HECW2: variants seen among roughly 807,000 people sequenced by gnomAD.
The protein encoded by HECW2 is HECT, C2 and WW domain containing E3 ubiquitin protein ligase 2, also known as E3 ubiquitin-protein ligase HECW2.
In HECW2, 61 loss-of-function variants were observed where a neutral mutation model predicts 175.2. The ratio of observed to expected loss-of-function variants is 0.35; its 90% CI spans 0.28 to 0.43. The LOEUF (loss-of-function observed/expected upper bound fraction) is 0.43. Among genes scored for constraint, HECW2 ranks in the 20% least tolerant of loss-of-function variants. The pLI, the probability that HECW2 is intolerant of heterozygous loss-of-function variation, is 1.00. For synonymous variants in HECW2, 671 were observed against 731.0 expected, an observed-to-expected ratio of 0.92 and a Z score of 1.32; for missense variants, 1,524 against 2,000.5, an observed-to-expected ratio of 0.76 and a Z score of 4.54.
At chr2:196,249,154 C>G (rs1484798919) in intron 19 of HECW2, among the ~76,000 whole-genome samples, 1 of 152,202 alleles carries the variant, frequency 6.6e-6, no homozygotes, top group Non-Finnish European at 1.5e-5. Context: ...GAGAGCACAT[C>G]TCCAATAATA....
At chr2:196,590,079 A>G (rs1691130250) in intron 1 of HECW2, among the ~76,000 whole-genome samples, 1 of 152,224 alleles carries the variant, frequency 6.6e-6, no homozygotes, top group East Asian at 1.9e-4. Context: ...AAATAAGGCA[A>G]GACTCAAAAT....
At chr2:196,338,371 G>T (rs1341658288) in intron 3 of HECW2, among the ~76,000 whole-genome samples, 1 of 152,142 alleles carries the variant, frequency 6.6e-6, no homozygotes, top group Non-Finnish European at 1.5e-5. Flanking sequence ...GGGAAAACTG[G>T]CAATTGGACA....
intron 21 of HECW2, 105 bp downstream of exon 21, chr2:196,240,344 C>T: frequency 3.9e-6 from 3 of 775,080 alleles, no homozygotes; most frequent in Middle Eastern, 2.5e-4. Context: ...AACAGCACTT[C>T]CTGGCAGAAG....
intron 17 of HECW2, among the ~76,000 whole-genome samples, chr2:196,261,310 A>G (rs1689283293): frequency 6.6e-6 from 1 of 152,248 alleles, no homozygotes. Flanking sequence ...ATAATGCATA[A>G]AAGATATCCT....
chr2:196,298,233 C>T (rs1690891907), intron 13 of HECW2, among the ~76,000 whole-genome samples: 3 of 152,074 alleles, frequency 2.0e-5, no homozygotes, highest in Admixed American at 2.0e-4. Flanking sequence ...AAAGACATGG[C>T]ACTAATAACT....
chr2:196,241,081 A>C (rs541843789), intron 20 of HECW2, among the ~76,000 whole-genome samples: 8 of 152,358 alleles, frequency 5.3e-5, no homozygotes, highest in South Asian at 2.1e-4. Context: ...AATTAAGTGA[A>C]TCTTGACAGT....
At chr2:196,324,144 G>A (rs1256369287) in intron 6 of HECW2, among the ~76,000 whole-genome samples, 1 of 152,080 alleles carries the variant, frequency 6.6e-6, no homozygotes, top group African/African-American at 2.4e-5. Flanking sequence ...AGAACATATT[G>A]TTGTCATTAA....
chr2:196,430,925 C>T (rs954859261), intron 2 of HECW2, among the ~76,000 whole-genome samples: 2 of 152,102 alleles, frequency 1.3e-5, no homozygotes, highest in Admixed American at 6.5e-5. Context: ...AAAACATTAA[C>T]TTACGAAGCT....
At chr2:196,430,692 G>A (rs182337004) in intron 2 of HECW2, among the ~76,000 whole-genome samples, 71 of 152,198 alleles carry the variant, frequency 4.7e-4, no homozygotes, top group Admixed American at 1.0e-3. Flanking sequence ...ACAAAAAAAG[G>A]GCAAAGTTAG....
intron 2 of HECW2, among the ~76,000 whole-genome samples, chr2:196,405,571 C>T (rs146424597): frequency 1.3e-4 from 20 of 152,268 alleles, no homozygotes; most frequent in African/African-American, 4.1e-4. Flanking sequence ...GTCCAACCCC[C>T]CATCTTATGC....
chr2:196,306,639 T>C, intron 12 of HECW2, 27 bp from the exon 13 acceptor site: 1 of 1,578,926 alleles, frequency 6.3e-7, no homozygotes, highest in Non-Finnish European at 8.6e-7. Flanking sequence ...ACAGAGGCGG[T>C]CAGGGAAATC....
rs2105839988 is a variant in HECW2, at chr2:196,228,179, T to C, written c.3840A>G (p.Leu1280=). ...SRELFNPYYG[L]FEYSANDTYT... is the part of the protein sequence containing the mutation. ...ATGTGTCATTGGCTGAATATTCAAA[T>C]AAGCCATAATATGGGTTAAAGAGTT... Residue 1280 remains leucine, a synonymous_variant, in exon 22 of 29, where the codon TTA becomes TTG. Coordinates refer to ENST00000644978, the MANE Select transcript of HECW2 (RefSeq NM_001348768.2). The C allele has an allele frequency of 1.9e-6, 3 of 1,613,698 alleles. No homozygotes were observed. The South Asian group carries it at 3.3e-5, about 18-fold the overall frequency.
intron 19 of HECW2, among the ~76,000 whole-genome samples, chr2:196,246,958 TC>T (rs1180588837): frequency 6.6e-6 from 1 of 152,200 alleles, no homozygotes; most frequent in East Asian, 1.9e-4. Flanking sequence ...ACACATTATT[TC>T]ATTTTAAAAT....
chr2:196,502,346 A>C (rs1161705648), intron 1 of HECW2, among the ~76,000 whole-genome samples: 5 of 152,234 alleles, frequency 3.3e-5, no homozygotes, highest in African/African-American at 1.2e-4. Flanking sequence ...ATCTGAATTA[A>C]AAAATTATTG....
At chr2:196,557,308 T>C (rs1689831610) in intron 1 of HECW2, among the ~76,000 whole-genome samples, 1 of 151,934 alleles carries the variant, frequency 6.6e-6, no homozygotes, top group Admixed American at 6.6e-5. Context: ...GGCAGGAGAA[T>C]TGCTTGAACC....
In HECW2 at chr2:196,303,794, A is replaced by C. The variant is rs150410552; in HGVS notation, c.2814+2694T>G. Among the ~76,000 whole-genome samples, 246 of 152,202 alleles carry C rather than the reference A, an allele frequency of 1.6e-3. 1 individual carries two copies. The highest frequency in any genetic ancestry group is 5.6e-3 in the African/African-American group (234 of 41,534). Reference sequence around the variant, plus strand: ...TTCTGATTGTGTTTATTTGAGTCTTATCTCTTTTCTACTTTATTAGTCTAG... The same window carrying C: ...TTCTGATTGTGTTTATTTGAGTCTTCTCTCTTTTCTACTTTATTAGTCTAG... On this transcript the variant is annotated intron_variant, in intron 13 of 28. Coordinates refer to ENST00000644978, the MANE Select transcript of HECW2 (RefSeq NM_001348768.2).
chr2:196,429,324 AGAAAATGGACCCTTGTGGGGTCTGG>A (rs1168417602), intron 2 of HECW2, among the ~76,000 whole-genome samples: 1 of 152,216 alleles, frequency 6.6e-6, no homozygotes, highest in Non-Finnish European at 1.5e-5. Context: ...CGAAGGGGGC[AGAAAATGGACCCTTGTGGGGTCTGG>A]GATGCCAGGT....
At chr2:196,298,235 C>T (rs1690892034) in intron 13 of HECW2, among the ~76,000 whole-genome samples, 1 of 152,072 alleles carries the variant, frequency 6.6e-6, no homozygotes, top group Admixed American at 6.6e-5. Flanking sequence ...AGACATGGCA[C>T]TAATAACTAA....
At chr2:196,216,641 T>C (rs1055460685) in intron 27 of HECW2, among the ~76,000 whole-genome samples, 3 of 152,140 alleles carry the variant, frequency 2.0e-5, no homozygotes, top group Non-Finnish European at 4.4e-5. Flanking sequence ...ACTAACTGCA[T>C]CCCTTTTTAA....
Sources: allele counts gnomAD v4.1 joint callset (sites outside exome capture counted in the v4.1 genomes callset), GRCh38; gene constraint gnomAD v4.1.1; transcripts MANE v1.5; gene names NCBI Gene and HGNC (gene_info 2026-07-23, HGNC 2026-07-21).